The following ANKRD26 variants were observed in gnomAD, a reference collection of about 807,000 sequenced individuals.
ANKRD26 encodes ankyrin repeat domain-containing protein 26.
ANKRD26 carries 141 observed loss-of-function variants against 208.7 expected under a neutral mutation model. The observed-to-expected ratio is 0.68, with a 90% CI of 0.59 to 0.78. ANKRD26 has a LOEUF of 0.78. Ranked by LOEUF, ANKRD26 falls within the 30% of genes least tolerant of loss-of-function variation. The pLI is 0.00. For synonymous variants in ANKRD26, 636 were observed against 660.4 expected (o/e 0.96, Z 0.57); for missense variants, 1,889 against 1,938.7 (o/e 0.97, Z 0.48).
chr10:26,963,990 C>A, the ANKRD26 span, among the ~76,000 whole-genome samples: 3 of 134,156 alleles, frequency 2.2e-5, no homozygotes, highest in South Asian at 7.4e-4. Flanking sequence ...CGGCTTACTG[C>A]AACCTCTGTC....
exon 6 of ANKRD26, among the ~76,000 whole-genome samples, chr10:26,974,419 C>T (rs1032292691): frequency 1.3e-5 from 2 of 150,566 alleles, no homozygotes; most frequent in Non-Finnish European, 2.9e-5. Flanking sequence ...CAGCTCACTG[C>T]AAGCTCTGCC....
chr10:26,991,020 T>C (rs527590815), downstream of ANKRD26, among the ~76,000 whole-genome samples: 7 of 152,326 alleles, frequency 4.6e-5, no homozygotes, highest in South Asian at 1.0e-3. Flanking sequence ...CTCGACTTCC[T>C]TGATGGAAGC....
downstream of ANKRD26, among the ~76,000 whole-genome samples, chr10:26,988,621 C>T (rs1028485032): frequency 6.6e-6 from 1 of 151,950 alleles, no homozygotes; most frequent in African/African-American, 2.4e-5. Flanking sequence ...TGTGGATCTA[C>T]AGGAATACTA....
intron 5 of ANKRD26, among the ~76,000 whole-genome samples, chr10:26,993,066 T>C (rs1032577099): frequency 1.3e-5 from 2 of 152,182 alleles, no homozygotes; most frequent in African/African-American, 4.8e-5. Context: ...CTGTATGCCA[T>C]ATAACACGTT....
At chr10:27,018,482 T>C (rs2053380133) in intron 29 of ANKRD26, among the ~76,000 whole-genome samples, 1 of 151,822 alleles carries the variant, frequency 6.6e-6, no homozygotes, top group Non-Finnish European at 1.5e-5. Flanking sequence ...TCCTATTGAG[T>C]TATTTAGGCC....
chr10:27,028,808 TA>T, intron 27 of ANKRD26, 43 bp downstream of exon 27: 1 of 1,486,674 alleles, frequency 6.7e-7, no homozygotes, highest in Non-Finnish European at 9.4e-7. Flanking sequence ...ACTAAAGCAA[TA>T]AAATTCCTTT....
chr10:27,090,344 G>A (rs899807894), intron 4 of ANKRD26, among the ~76,000 whole-genome samples: 11 of 152,048 alleles, frequency 7.2e-5, no homozygotes, highest in South Asian at 4.1e-4. Context: ...GCAGTGAGCC[G>A]ACTGTGCCAC....
intron 9 of ANKRD26, among the ~76,000 whole-genome samples, chr10:27,075,068 T>C (rs1443398739): frequency 1.3e-5 from 2 of 152,168 alleles, no homozygotes; most frequent in Non-Finnish European, 2.9e-5. Flanking sequence ...AGACCAGCCC[T>C]ACAAGAAATA....
Position 27,093,682 on chromosome 10 carries a change from TAC to T in ANKRD26, c.357+1_357+2del. On this transcript the variant is annotated splice_donor_variant, in intron 2 of 33. Coordinates refer to ENST00000376087, the MANE Select transcript of ANKRD26 (RefSeq NM_014915.3). LOFTEE classifies it high-confidence loss of function. ...GATGCTGAAAGAGCTGGCTACTATATACCTTCATCAGAGCTGTCCTGTTTTCG... is the reference window on the plus strand; with the variant it reads ...GATGCTGAAAGAGCTGGCTACTATATCTTCATCAGAGCTGTCCTGTTTTCG... The T allele has an allele frequency of 6.2e-7, 1 of 1,613,000 alleles. No individual in the cohort carries two copies. The highest frequency in any genetic ancestry group is 8.5e-7 in the Non-Finnish European group (1 of 1,178,940).
chr10:26,993,194 T>C (rs563979755), intron 5 of ANKRD26, among the ~76,000 whole-genome samples: 2 of 152,336 alleles, frequency 1.3e-5, no homozygotes, highest in East Asian at 1.9e-4. Context: ...TCTGAATTAC[T>C]CATCCTCGTG....
chr10:27,086,764 TTTTG>T (rs1375453249), intron 4 of ANKRD26, among the ~76,000 whole-genome samples, 155 bp from the exon 5 acceptor site: 11 of 124,800 alleles, frequency 8.8e-5, no homozygotes, highest in African/African-American at 6.4e-5. Context: ...CTACAAACTT[TTTTG>T]TTTTTTTTTT....
chr10:26,978,975 C>T lies in ANKRD26; in HGVS notation c.*281+1601G>A, dbSNP rs141353909. Among the ~76,000 whole-genome samples, 1,264 of 152,286 alleles carry T rather than the reference C, an allele frequency of 8.3e-3. 18 individuals are homozygous for T. Among genetic ancestry groups the T allele is most frequent in the African/African-American group, 0.029 (1,185 of 41,556 alleles). On this transcript the variant is annotated intron_variant and NMD_transcript_variant, in intron 5 of 5. Transcript: ENST00000674670. Reference sequence around the variant, plus strand: ...CGATGGCTCAAGCCTGTAATCCCAGCACTTTGGGAGGCCGAGGCGGGCGGA... The same window carrying T: ...CGATGGCTCAAGCCTGTAATCCCAGTACTTTGGGAGGCCGAGGCGGGCGGA...
intron 29 of ANKRD26, among the ~76,000 whole-genome samples, chr10:27,019,706 T>A (rs905921712): frequency 5.9e-5 from 9 of 152,240 alleles, no homozygotes; most frequent in African/African-American, 2.2e-4. Context: ...TTGTTTGCCA[T>A]GAATAAATTA....
At chr10:26,993,432 G>T (rs141634990) in intron 5 of ANKRD26, among the ~76,000 whole-genome samples, 54 of 152,260 alleles carry the variant, frequency 3.5e-4, no homozygotes, top group African/African-American at 1.3e-3. Context: ...CCCTTTGTGT[G>T]GTTTCTTTCT....
At chr10:26,973,909 G>T (rs549561367) in exon 6 of ANKRD26, among the ~76,000 whole-genome samples, 1 of 151,620 alleles carries the variant, frequency 6.6e-6, no homozygotes, top group Non-Finnish European at 1.5e-5. Context: ...CACCCACCTC[G>T]GCCTCCCAAA....
chr10:27,029,231 T>A, intron 26 of ANKRD26, 55 bp downstream of exon 26: 1 of 1,533,478 alleles, frequency 6.5e-7, no homozygotes, highest in Non-Finnish European at 8.9e-7. Context: ...CATACTACAC[T>A]GCTTATTTGC....
At chr10:27,049,087 G>T (rs182465773) in intron 16 of ANKRD26, 108 bp from the exon 17 acceptor site, 1 of 956,196 alleles carries the variant, frequency 1.0e-6, no homozygotes, top group Non-Finnish European at 1.5e-6. Context: ...GGTAACTTTA[G>T]CCAATAAAAA....
In ANKRD26 at chr10:27,031,487, T is replaced by C. The variant is rs148346214; in HGVS notation, c.3807+1738A>G. Among the ~76,000 whole-genome samples, 35 of 152,214 alleles carry C rather than the reference T, an allele frequency of 2.3e-4. No homozygotes were observed. In the East Asian group the frequency reaches 5.0e-3, roughly 22 times the overall value. Reference sequence around the variant, plus strand: ...ATATGAAATGTTCAGAACAGGCAAATTTAAGGAGACAAAAAGTAGATGGTG... The same window carrying C: ...ATATGAAATGTTCAGAACAGGCAAACTTAAGGAGACAAAAAGTAGATGGTG... On this transcript the variant is annotated intron_variant, in intron 25 of 33. Coordinates refer to ENST00000376087, the MANE Select transcript of ANKRD26 (RefSeq NM_014915.3).
intron 9 of ANKRD26, among the ~76,000 whole-genome samples, chr10:27,070,926 A>G (rs1443299207): frequency 6.6e-6 from 1 of 152,056 alleles, no homozygotes; most frequent in African/African-American, 2.4e-5. Context: ...TGGCCTCCCA[A>G]AGTGCTGGGA....
Sources: allele counts gnomAD v4.1 joint callset (sites outside exome capture counted in the v4.1 genomes callset), GRCh38; gene constraint gnomAD v4.1.1; transcripts MANE v1.5; gene names NCBI Gene and HGNC (gene_info 2026-07-23, HGNC 2026-07-21).